The following CNTN4 variants were observed in gnomAD, a reference collection of about 807,000 sequenced individuals.
The protein encoded by CNTN4 is contactin-4.
In CNTN4, 77 loss-of-function variants were observed where a neutral mutation model predicts 122.5. The observed-to-expected ratio is 0.63, with a 90% CI of 0.52 to 0.76. The LOEUF is 0.76. CNTN4 is among the 30% of genes least tolerant of loss of function. The pLI, the probability that CNTN4 is intolerant of heterozygous loss-of-function variation, is 0.00. For missense variants in CNTN4, 1,256 were observed against 1,259.1 expected (o/e 1.00, Z 0.04); for synonymous variants, 512 against 447.0 (o/e 1.15, Z -1.83).
intron 16 of CNTN4, 145 bp downstream of exon 16, chr3:3,031,120 C>A: frequency 9.2e-7 from 1 of 1,082,872 alleles, no homozygotes; most frequent in Non-Finnish European, 1.4e-6. Context: ...TAACAGTCCA[C>A]AGAAGTTTCT....
At chr3:2,884,168 G>A (rs1360517094) in intron 9 of CNTN4, among the ~76,000 whole-genome samples, 2 of 151,782 alleles carry the variant, frequency 1.3e-5, no homozygotes, top group African/African-American at 2.4e-5. Flanking sequence ...TGGACTCCTG[G>A]CCTCAACTAA....
intron 7 of CNTN4, among the ~76,000 whole-genome samples, chr3:2,849,941 G>A: frequency 6.6e-6 from 1 of 151,686 alleles, no homozygotes; most frequent in Non-Finnish European, 1.5e-5. Flanking sequence ...CGTATGTGTG[G>A]AATCTTATAT....
chr3:2,294,600 C>A (rs916756041), intron 2 of CNTN4, among the ~76,000 whole-genome samples: 1 of 152,176 alleles, frequency 6.6e-6, no homozygotes, highest in African/African-American at 2.4e-5. Flanking sequence ...CACTGCACCA[C>A]AGCCTGGGTG....
intron 2 of CNTN4, among the ~76,000 whole-genome samples, chr3:2,318,827 G>A (rs1490260210): frequency 6.6e-6 from 1 of 152,068 alleles, no homozygotes; most frequent in African/African-American, 2.4e-5. Flanking sequence ...TTTTAATGTA[G>A]AGATAAAGTC....
At chr3:3,042,199 C>A in intron 20 of CNTN4, 111 bp from the exon 21 acceptor site, 1 of 827,930 alleles carries the variant, frequency 1.2e-6, no homozygotes. Context: ...GGCTTACAAT[C>A]ATTAAGGACG....
chr3:2,435,948 T>G (rs1434323015), intron 3 of CNTN4, among the ~76,000 whole-genome samples: 1 of 152,194 alleles, frequency 6.6e-6, no homozygotes, highest in African/African-American at 2.4e-5. Flanking sequence ...AGTAAAGTGT[T>G]AAGGCAATTG....
At chr3:2,931,039 G>A (rs977013717) in intron 13 of CNTN4, among the ~76,000 whole-genome samples, 2 of 152,172 alleles carry the variant, frequency 1.3e-5, no homozygotes, top group Non-Finnish European at 2.9e-5. Context: ...CAGAATTGAA[G>A]GATTTTATGC....
At chr3:2,164,314 G>C (rs1039480923) in intron 2 of CNTN4, among the ~76,000 whole-genome samples, 1 of 152,006 alleles carries the variant, frequency 6.6e-6, no homozygotes, top group Non-Finnish European at 1.5e-5. Flanking sequence ...TTAATTAACT[G>C]GAAGGCTGAG....
At chr3:2,661,438 T>C (rs1442265279) in intron 4 of CNTN4, among the ~76,000 whole-genome samples, 1 of 152,052 alleles carries the variant, frequency 6.6e-6, no homozygotes, top group Admixed American at 6.6e-5. Context: ...TTCCAAAACA[T>C]GCTCGATGGA....
intron 2 of CNTN4, among the ~76,000 whole-genome samples, chr3:2,156,368 C>G (rs2035718677): frequency 6.6e-6 from 1 of 152,098 alleles, no homozygotes; most frequent in African/African-American, 2.4e-5. Context: ...TGTGCATAAA[C>G]CTGTATACAG....
At chr3:2,994,140 C>T (rs1695310100) in intron 14 of CNTN4, among the ~76,000 whole-genome samples, 1 of 152,022 alleles carries the variant, frequency 6.6e-6, no homozygotes, top group Non-Finnish European at 1.5e-5. Context: ...TCTTCCTAAA[C>T]CTCCCACCGT....
intron 3 of CNTN4, among the ~76,000 whole-genome samples, chr3:2,368,708 C>A (rs986614658): frequency 3.9e-5 from 6 of 152,104 alleles, no homozygotes; most frequent in Admixed American, 6.5e-5. Context: ...TATAAAATCT[C>A]TGACTGCATT....
rs946243804 is a variant in CNTN4 at position 3,056,352 on chromosome 3, C to T, written c.*132C>T. ...ACTGGAATAAAAATGTTTTTTGCTT[C>T]TTTAGGAATGGCATTATACAGTACT... On this transcript the variant is annotated 3_prime_UTR_variant, in exon 25 of 25. Coordinates refer to ENST00000418658, the MANE Select transcript of CNTN4 (RefSeq NM_175607.3). The T allele has an allele frequency of 1.7e-4, 126 of 745,548 alleles. No homozygotes were observed. The highest frequency in any genetic ancestry group is 2.4e-4 in the Non-Finnish European group (105 of 430,292). The allele number at this position is 745,548 out of a possible 1,614,324, so 46.2% of individuals were successfully genotyped here. A position where few individuals can be genotyped will look rare whatever the true frequency, so the allele number is the denominator to read the frequency against.
intron 2 of CNTN4, among the ~76,000 whole-genome samples, chr3:2,283,502 G>C (rs1048072104): frequency 2.6e-5 from 4 of 152,068 alleles, no homozygotes; most frequent in Admixed American, 6.6e-5. Flanking sequence ...TCACAAAGCA[G>C]TACATGCCAT....
chr3:2,155,224 T>C (rs1418855824), intron 2 of CNTN4, among the ~76,000 whole-genome samples: 1 of 152,230 alleles, frequency 6.6e-6, no homozygotes, highest in Non-Finnish European at 1.5e-5. Flanking sequence ...TTCCAGTGCT[T>C]ACCTGCCTGC....
chr3:2,169,821 C>G (rs547469852), intron 2 of CNTN4, among the ~76,000 whole-genome samples: 1 of 152,190 alleles, frequency 6.6e-6, no homozygotes. Context: ...TGCTCTTAGT[C>G]AACAATGCTC....
intron 2 of CNTN4, among the ~76,000 whole-genome samples, chr3:2,228,971 A>G (rs1045259314): frequency 3.3e-5 from 5 of 152,162 alleles, no homozygotes; most frequent in Non-Finnish European, 7.4e-5. Context: ...CTGCATCCAT[A>G]TGGATCTTGT....
chr3:2,291,910 G>A (rs907794973), intron 2 of CNTN4, among the ~76,000 whole-genome samples: 1 of 151,794 alleles, frequency 6.6e-6, no homozygotes, highest in African/African-American at 2.4e-5. Context: ...ATTTTTTTGT[G>A]TTATTAGTGG....
In CNTN4 at chr3:2,384,958, G is replaced by A. The variant is rs192643682; in HGVS notation, c.-89+45725G>A. On this transcript the variant is annotated intron_variant, in intron 3 of 24. Transcript: ENST00000418658. ...TATAGCCCCTTCTACAGTGGTTGAC[G>A]TTCAAACTCATTTGGCTTGAAAGTC... Among the ~76,000 whole-genome samples, 821 of 152,024 alleles carry A rather than the reference G, an allele frequency of 5.4e-3. 3 individuals carry two copies. Among genetic ancestry groups the A allele is most frequent in the Non-Finnish European group, 8.4e-3 (572 of 67,990 alleles).
Sources: allele counts gnomAD v4.1 joint callset (sites outside exome capture counted in the v4.1 genomes callset), GRCh38; gene constraint gnomAD v4.1.1; transcripts MANE v1.5; gene names NCBI Gene and HGNC (gene_info 2026-07-23, HGNC 2026-07-21).